The following PCSK5 variants were observed in gnomAD, a reference collection of about 807,000 sequenced individuals.
PCSK5 encodes proprotein convertase subtilisin/kexin type 5, also known as prohormone convertase 5.
PCSK5 carries 129 observed loss-of-function variants against 233.2 expected under a neutral mutation model. The observed-to-expected ratio is 0.55, with a 90% CI of 0.48 to 0.64. The LOEUF (loss-of-function observed/expected upper bound fraction) is 0.64. Ranked by LOEUF, PCSK5 falls within the 30% of genes least tolerant of loss-of-function variation. PCSK5 has a pLI of 0.00. For missense variants in PCSK5, 2,076 were observed against 2,430.1 expected (o/e 0.85, Z 3.06); for synonymous variants, 825 against 879.2 (o/e 0.94, Z 1.09).
At chr9:75,964,566 G>T (rs192029523) in intron 2 of PCSK5, among the ~76,000 whole-genome samples, 97 of 152,320 alleles carry the variant, frequency 6.4e-4, no homozygotes, top group Non-Finnish European at 1.2e-3. Context: ...CCTGCCTTCC[G>T]TAAGCGGAGA....
intron 6 of PCSK5, 35 bp downstream of exon 6, chr9:76,068,078 C>T (rs750849749): frequency 9.7e-6 from 14 of 1,436,650 alleles, no homozygotes; most frequent in East Asian, 4.5e-5. Flanking sequence ...TGTAGAAATG[C>T]GCCAGTTAGC....
intron 22 of PCSK5, among the ~76,000 whole-genome samples, chr9:76,236,481 C>T (rs1463541791): frequency 3.3e-5 from 5 of 152,134 alleles, no homozygotes; most frequent in Non-Finnish European, 5.9e-5. Flanking sequence ...AAGTATCAGC[C>T]CTTCTACCGC....
At chr9:76,077,986 G>T (rs1830698624) in intron 7 of PCSK5, among the ~76,000 whole-genome samples, 1 of 152,180 alleles carries the variant, frequency 6.6e-6, no homozygotes, top group Non-Finnish European at 1.5e-5. Context: ...TCTCCAGACT[G>T]CCTTCCACAG....
intron 2 of PCSK5, among the ~76,000 whole-genome samples, chr9:75,970,779 G>T (rs1236701782): frequency 3.3e-5 from 5 of 151,934 alleles, no homozygotes; most frequent in African/African-American, 1.2e-4. Flanking sequence ...ACACTGCCAC[G>T]CCTGGTTAAT....
chr9:75,908,865 CTCTTTCTATTTATCTA>C (rs1300441515), intron 1 of PCSK5, among the ~76,000 whole-genome samples: 52 of 135,200 alleles, frequency 3.8e-4, no homozygotes, highest in African/African-American at 1.3e-3. Flanking sequence ...ATGCATCCTT[CTCTTTCTATTTATCTA>C]TCTATCTATC....
At chr9:76,316,185 G>A (rs1587317484) in intron 30 of PCSK5, among the ~76,000 whole-genome samples, 1 of 152,026 alleles carries the variant, frequency 6.6e-6, no homozygotes, top group South Asian at 2.1e-4. Context: ...TAAACACAGA[G>A]TGGATCATTG....
At chr9:76,096,145 G>A (rs1831497951) in intron 8 of PCSK5, 43 bp downstream of exon 8, 1 of 1,298,814 alleles carries the variant, frequency 7.7e-7, no homozygotes, top group African/African-American at 1.5e-5. Context: ...TTTATTTAAT[G>A]TTCACTTTGA....
intron 1 of PCSK5, among the ~76,000 whole-genome samples, chr9:75,925,536 A>C (rs1823447439): frequency 6.6e-6 from 1 of 152,216 alleles, no homozygotes; most frequent in South Asian, 2.1e-4. Context: ...TGGGTCATGT[A>C]AGTGTTATGG....
At position 76,228,621 on chromosome 9, in the gene PCSK5, C is replaced by A. The variant is rs143940002; in HGVS notation, c.2729+1016C>A. ...AATTTCTAATAAAGAAAGCTGGAGG[C>A]CTGTTTTATTTTCAGTCAATGCTCC... On this transcript the variant is annotated intron_variant, in intron 21 of 37. Coordinates refer to ENST00000674117, the MANE Select transcript of PCSK5 (RefSeq NM_001372043.1). Among the ~76,000 whole-genome samples the A allele has an allele frequency of 8.8e-3, 1,347 of 152,274 alleles. 10 individuals are homozygous for A. The highest frequency in any genetic ancestry group is 0.013 in the Admixed American group (203 of 15,302).
chr9:75,934,406 T>C lies in PCSK5; in HGVS notation c.297+1923T>C, dbSNP rs569900903. 3.3e-5 allele frequency among the ~76,000 whole-genome samples: 5 copies of C among 152,224 alleles called. No individual in the cohort carries two copies. The South Asian group carries it at 8.3e-4, about 25-fold the overall frequency. Reference sequence around the variant, plus strand: ...AGTTCATTTATTCTTTGGCCCTTTTTCGAGCCCCTAGCATATGCCAGGCCC... The same window carrying C: ...AGTTCATTTATTCTTTGGCCCTTTTCCGAGCCCCTAGCATATGCCAGGCCC... On this transcript the variant is annotated intron_variant, in intron 2 of 37. Transcript: ENST00000674117.
intron 37 of PCSK5, among the ~76,000 whole-genome samples, chr9:76,357,792 C>G (rs13291215): frequency 0.1 from 15,874 of 152,208 alleles, 955 homozygotes; most frequent in East Asian, 0.19. Flanking sequence ...CCTCAAATGT[C>G]AAACAACAAA....
intron 32 of PCSK5, 30 bp downstream of exon 32, chr9:76,323,318 C>G: frequency 7.4e-7 from 1 of 1,346,346 alleles, no homozygotes; most frequent in South Asian, 1.2e-5. Context: ...AAAATAGGCT[C>G]CGGGGTTTGC....
At chr9:76,325,644 C>CTTTCTTTTTTTTTTTTTTT (rs1230191426) in intron 32 of PCSK5, among the ~76,000 whole-genome samples, 63 of 150,434 alleles carry the variant, frequency 4.2e-4, no homozygotes, top group African/African-American at 7.1e-4. Context: ...ATTGCACTTT[C>CTTTCTTTTTTTTTTTTTTT]TTTTTTTTGA....
chr9:76,118,795 C>T (rs1277601675), intron 9 of PCSK5, among the ~76,000 whole-genome samples: 1 of 151,984 alleles, frequency 6.6e-6, no homozygotes, highest in Non-Finnish European at 1.5e-5. Flanking sequence ...TCTCCCTACA[C>T]AGCCAACTTT....
chr9:76,173,496 CTTTTTTTTTTTTTTTTTTTTTTT>C (rs59248860), intron 13 of PCSK5, among the ~76,000 whole-genome samples: 17 of 61,006 alleles, frequency 2.8e-4, no homozygotes, highest in East Asian at 4.7e-4. Context: ...GGCACGTTTC[CTTTTTTTTTTTTTTTTTTTTTTT>C]TTTTTTTTTT....
chr9:76,145,497 C>G (rs1264560334), intron 10 of PCSK5, among the ~76,000 whole-genome samples: 1 of 152,128 alleles, frequency 6.6e-6, no homozygotes, highest in African/African-American at 2.4e-5. Flanking sequence ...TTTTTTCTAC[C>G]AAGGCATAGA....
chr9:75,994,715 C>T (rs1019758882), intron 3 of PCSK5, among the ~76,000 whole-genome samples: 6 of 152,098 alleles, frequency 3.9e-5, no homozygotes, highest in Admixed American at 2.0e-4. Flanking sequence ...AGCCAGTGCG[C>T]CCGGCCCCAC....
At chr9:76,276,721 T>C (rs1351698831) in intron 24 of PCSK5, among the ~76,000 whole-genome samples, 1 of 152,156 alleles carries the variant, frequency 6.6e-6, no homozygotes, top group African/African-American at 2.4e-5. Context: ...CACCCCAGTC[T>C]CATCACTCTC....
At chr9:76,121,496 G>A (rs1832628172) in intron 9 of PCSK5, among the ~76,000 whole-genome samples, 1 of 152,136 alleles carries the variant, frequency 6.6e-6, no homozygotes, top group African/African-American at 2.4e-5. Flanking sequence ...ACCTACAGCA[G>A]ATAAATAGCA....
Sources: allele counts gnomAD v4.1 joint callset (sites outside exome capture counted in the v4.1 genomes callset), GRCh38; gene constraint gnomAD v4.1.1; transcripts MANE v1.5; gene names NCBI Gene and HGNC (gene_info 2026-07-23, HGNC 2026-07-21).